The following G6PC2 variants were observed in gnomAD, a reference collection of about 807,000 sequenced individuals.
The protein encoded by G6PC2 is glucose-6-phosphatase 2.
Under a neutral mutation model 35.4 loss-of-function variants are expected in G6PC2, and 41 were observed. The observed-to-expected ratio is 1.16, with a 90% confidence interval of 0.90 to 1.50. The LOEUF (loss-of-function observed/expected upper bound fraction) is 1.50. Ranked by LOEUF, G6PC2 falls within the 40% of genes most tolerant of loss-of-function variation. The pLI, the probability that G6PC2 is intolerant of heterozygous loss-of-function variation, is 0.00. For synonymous variants in G6PC2, 165 were observed against 153.2 expected, an observed-to-expected ratio of 1.08 and a Z score of -0.57; for missense variants, 441 against 426.5, an observed-to-expected ratio of 1.03 and a Z score of -0.30.
At position 168,902,319 on chromosome 2, in the gene G6PC2, A is replaced by C. The variant is rs1574373883; in HGVS notation, c.219-126A>C. 12 of 660,244 alleles carry C rather than the reference A, an allele frequency of 1.8e-5. No homozygotes were observed. In the East Asian group the frequency reaches 3.0e-4, roughly 16 times the overall value. 40.9% of individuals were successfully genotyped at this position (660,244 alleles called of 1,614,324 possible). On this transcript the variant is annotated intron_variant, in intron 1 of 4. Coordinates refer to ENST00000375363, the MANE Select transcript of G6PC2 (RefSeq NM_021176.3). ...GACCTAAGTTTTTTCAAAGTCTCTT[A>C]ATCATGAACTTTCACAATTAACCCT...
At chr2:168,902,356 A>G (rs1208515582) in intron 1 of G6PC2, 89 bp from the exon 2 acceptor site, 2 of 727,390 alleles carry the variant, frequency 2.7e-6, no homozygotes, top group South Asian at 1.5e-5. Flanking sequence ...CGCTTGAGTC[A>G]TTTTTTATAG....
intron 1 of G6PC2, among the ~76,000 whole-genome samples, chr2:168,901,774 T>G (rs532625164): frequency 2.2e-4 from 33 of 151,930 alleles, no homozygotes; most frequent in African/African-American, 8.0e-4. Context: ...TTTGCCCTTG[T>G]TGCCCAGGAT....
At position 168,901,413 on chromosome 2, in the gene G6PC2, T is replaced by G. The variant is rs34725343; in HGVS notation, c.82T>G (p.Phe28Val). ...DYRAYYTFLN[F>V]MSNVGDPRNI... ...CCGAGCTTACTACACTTTTCTAAAT[T>G]TTATGTCCAATGTTGGAGACCCCAG... Residue 28 changes from phenylalanine (F) to valine (V), a missense_variant, in exon 1 of 5, where the codon TTT (phenylalanine) becomes GTT (valine). Phe to Val is a conservative substitution (Grantham distance 50). Coordinates refer to ENST00000375363, the MANE Select transcript of G6PC2 (RefSeq NM_021176.3). 8.1e-6 allele frequency: 13 copies of G among 1,601,694 alleles called. No individual in the cohort carries two copies. The African/African-American group carries it at 1.6e-4, about 20-fold the overall frequency.
chr2:168,906,820 C>T (rs781242281), intron 4 of G6PC2, 41 bp downstream of exon 4: 3 of 982,514 alleles, frequency 3.1e-6, no homozygotes, highest in Non-Finnish European at 5.0e-6. Flanking sequence ...CCTTTGAAAG[C>T]TTTAGTTTCA....
In G6PC2 at chr2:168,908,175, G is replaced by C. The variant is rs1480987628; in HGVS notation, c.*96G>C. On this transcript the variant is annotated 3_prime_UTR_variant, in exon 5 of 5. Coordinates refer to ENST00000375363, the MANE Select transcript of G6PC2 (RefSeq NM_021176.3). ...GGCACAGACCAGAGGCTTCTAATCC[G>C]ACTTCACAGAATAGCGGCACAGGCC... The C allele has an allele frequency of 3.2e-5, 33 of 1,016,388 alleles. No homozygotes were observed. In the East Asian group the frequency reaches 7.3e-4, roughly 23 times the overall value. The allele number at this position is 1,016,388 out of a possible 1,614,324, so 63.0% of individuals were successfully genotyped here.
chr2:168,902,819 T>C lies in G6PC2; in HGVS notation c.328+265T>C, dbSNP rs1007832791. The C allele has an allele frequency of 3.3e-5, 16 of 487,858 alleles. No individual in the cohort carries two copies. In the Admixed American group the frequency reaches 5.1e-4, roughly 16 times the overall value. The allele number at this position is 487,858 out of a possible 1,614,324, so 30.2% of individuals were successfully genotyped here. A position where few individuals can be genotyped will look rare whatever the true frequency, so the allele number is the denominator to read the frequency against. ...ATTTGGTGTTTACTTTTCAGAAGAATATAATGACTTGATACTAAAACAAGA... is the reference window on the plus strand; with the variant it reads ...ATTTGGTGTTTACTTTTCAGAAGAACATAATGACTTGATACTAAAACAAGA... On this transcript the variant is annotated intron_variant, in intron 2 of 4. Coordinates refer to ENST00000375363, the MANE Select transcript of G6PC2 (RefSeq NM_021176.3).
Position 168,904,556 on chromosome 2 carries a change from T to A in G6PC2, c.380T>A (p.Val127Glu). ...GCATCCTGTGTCTGGTATGTCATGG[T>A]AACCGCTGCCCTGAGCCACACTGTC... ...MGASCVWYVM[V>E]TAALSHTVCG... Residue 127 changes from valine (V) to glutamate (E), a missense_variant, in exon 3 of 5, where the codon GTA becomes GAA. Physicochemically the swap from Val to Glu is moderately radical, Grantham distance 121 (BLOSUM62 -2). Coordinates refer to ENST00000375363, the MANE Select transcript of G6PC2 (RefSeq NM_021176.3). The A allele has an allele frequency of 6.2e-7, 1 of 1,613,128 alleles. No homozygotes were observed. Among genetic ancestry groups the A allele is most frequent in the Non-Finnish European group, 8.5e-7 (1 of 1,179,080 alleles).
At chr2:168,905,308 T>A (rs1690685384) in intron 3 of G6PC2, among the ~76,000 whole-genome samples, 1 of 152,200 alleles carries the variant, frequency 6.6e-6, no homozygotes, top group African/African-American at 2.4e-5. Context: ...AGCCATAAAT[T>A]AGGTGACTTG....
intron 2 of G6PC2, among the ~76,000 whole-genome samples, chr2:168,903,990 C>T (rs1435721642): frequency 1.3e-5 from 2 of 152,044 alleles, no homozygotes; most frequent in Non-Finnish European, 2.9e-5. Context: ...GTAAGTCAAT[C>T]AGCAAATCAC....
chr2:168,908,043 T>C lies in G6PC2; in HGVS notation c.1032T>C (p.His344=), dbSNP rs766251315. ...TTGCTTTCATTCCCTACTCTGTTCA[T>C]ATGTTAATGAAACAAAGCGGAAAGA... ...TVVAFIPYSV[H]MLMKQSGKKS... is the part of the protein sequence containing the mutation. The change falls in exon 5 of 5, where the codon CAT becomes CAC. Residue 344 remains histidine (H), a synonymous_variant. Coordinates refer to ENST00000375363, the MANE Select transcript of G6PC2 (RefSeq NM_021176.3). 1.4e-5 allele frequency: 22 copies of C among 1,613,206 alleles called. No homozygotes were observed. Among genetic ancestry groups the C allele is most frequent in the African/African-American group, 5.3e-5 (4 of 74,890 alleles).
intron 4 of G6PC2, 82 bp downstream of exon 4, chr2:168,906,861 T>C: frequency 2.5e-6 from 2 of 814,540 alleles, no homozygotes; most frequent in Non-Finnish European, 4.4e-6. Flanking sequence ...TTGTCCCCGG[T>C]AATCAACTTT....
Position 168,908,217 on chromosome 2 carries a change from T to A in G6PC2, c.*138T>A. 2 of 745,114 alleles carry A rather than the reference T, an allele frequency of 2.7e-6. No homozygotes were observed. Among genetic ancestry groups the A allele is most frequent in the Middle Eastern group, 2.6e-4 (1 of 3,816 alleles). 46.2% of individuals were successfully genotyped at this position (745,114 alleles called of 1,614,324 possible). A position where few individuals can be genotyped will look rare whatever the true frequency, so the allele number is the denominator to read the frequency against. On this transcript the variant is annotated 3_prime_UTR_variant, in exon 5 of 5. Transcript: ENST00000375363. ...GCACAGGCCCCATTCCCCATAGAGATGTTTAGTTTGGCCTTCGCACTGGTC... is the reference window on the plus strand; with the variant it reads ...GCACAGGCCCCATTCCCCATAGAGAAGTTTAGTTTGGCCTTCGCACTGGTC...
In G6PC2 at chr2:168,907,610, A is replaced by G. The variant is rs377582119; in HGVS notation, c.599A>G (p.Gln200Arg). ...GCCTTTGAACACACTCCAGGCATCC[A>G]AACGGCCAGTCTGGGCACATACCTG... is the stretch of plus-strand genomic sequence containing the variant. ...AEAFEHTPGI[Q>R]TASLGTYLKT... The change falls in exon 5 of 5, where the codon CAA (glutamine) becomes CGA (arginine). Residue 200 changes from glutamine (Q) to arginine (R), a missense_variant. By Grantham distance (43) the Gln-to-Arg change is conservative. Coordinates refer to ENST00000375363, the MANE Select transcript of G6PC2 (RefSeq NM_021176.3). The G allele has an allele frequency of 2.5e-5, 41 of 1,614,070 alleles. No homozygotes were observed. Among genetic ancestry groups the G allele is most frequent in the Admixed American group, 8.3e-5 (5 of 60,020 alleles).
chr2:168,904,832 G>GA (rs1388578230), intron 3 of G6PC2, among the ~76,000 whole-genome samples: 2 of 152,208 alleles, frequency 1.3e-5, no homozygotes, highest in Non-Finnish European at 2.9e-5. Flanking sequence ...TTTCAAGTTG[G>GA]AAATGTTTAA....
At chr2:168,904,991 G>C (rs1690676591) in intron 3 of G6PC2, among the ~76,000 whole-genome samples, 1 of 152,110 alleles carries the variant, frequency 6.6e-6, no homozygotes, top group Non-Finnish European at 1.5e-5. Flanking sequence ...TGGAAGTTTT[G>C]AGAATCATCA....
At chr2:168,902,322 C>A in intron 1 of G6PC2, 123 bp from the exon 2 acceptor site, 2 of 665,096 alleles carry the variant, frequency 3.0e-6, no homozygotes. Flanking sequence ...GTCTCTTAAT[C>A]ATGAACTTTC....
At position 168,904,516 on chromosome 2, in the gene G6PC2, G is replaced by T. The variant is rs149663725; in HGVS notation, c.340G>T (p.Gly114Cys). The T allele has an allele frequency of 6.3e-7, 1 of 1,594,348 alleles. No homozygotes were observed. Among genetic ancestry groups the T allele is most frequent in the Admixed American group, 1.7e-5 (1 of 59,992 alleles). Reference protein sequence around the residue: ...TCETGPGSPSGHAMGASCVWY... With the variant: ...TCETGPGSPSCHAMGASCVWY... Reference sequence around the variant, plus strand: ...CTTTGTTGTTGCAGGAAGTCCATCTGGCCATGCAATGGGCGCATCCTGTGT... The same window carrying T: ...CTTTGTTGTTGCAGGAAGTCCATCTTGCCATGCAATGGGCGCATCCTGTGT... The change falls in exon 3 of 5, where the codon GGC becomes TGC. Residue 114 changes from glycine to cysteine, a missense_variant. Gly to Cys is a radical substitution (Grantham distance 159). Transcript: ENST00000375363.
At position 168,902,523 on chromosome 2, in the gene G6PC2, A is replaced by G; in HGVS notation, c.297A>G (p.Glu99=). The change falls in exon 2 of 5, where the codon GAA becomes GAG. Residue 99 remains glutamate (E), a synonymous_variant. Coordinates refer to ENST00000375363, the MANE Select transcript of G6PC2 (RefSeq NM_021176.3). ...CAAATCACTCAAGTCCATGCCTTGA[A>G]CAGTTCCCTACTACATGTGAAACAG... is the stretch of plus-strand genomic sequence containing the variant. ...IYPNHSSPCL[E]QFPTTCETGP... The G allele has an allele frequency of 6.5e-7, 1 of 1,548,616 alleles. No homozygotes were observed. Among genetic ancestry groups the G allele is most frequent in the Non-Finnish European group, 8.9e-7 (1 of 1,120,362 alleles).
chr2:168,907,517 G>C lies in G6PC2; in HGVS notation c.557-51G>C, dbSNP rs771117473. ...TTTAATGCAGAGAGGAATGATCCTC[G>C]AGGGGCTCAAGGGCACACAGTCATT... On this transcript the variant is annotated intron_variant, in intron 4 of 4. Coordinates refer to ENST00000375363, the MANE Select transcript of G6PC2 (RefSeq NM_021176.3). 3.2e-6 allele frequency: 5 copies of C among 1,572,254 alleles called. No homozygotes were observed. In the African/African-American group the frequency reaches 5.4e-5, roughly 17 times the overall value.
Sources: allele counts gnomAD v4.1 joint callset (sites outside exome capture counted in the v4.1 genomes callset), GRCh38; gene constraint gnomAD v4.1.1; transcripts MANE v1.5; gene names NCBI Gene and HGNC (gene_info 2026-07-23, HGNC 2026-07-21).